Variants in HEMK2 observed in about 807,000 individuals in gnomAD.
The protein encoded by HEMK2 is HemK methyltransferase 2, ETF1 glutamine and histone H4 lysine.
At chr21:28,725,484 A>C in the HEMK2 span, among the ~76,000 whole-genome samples, 11 of 152,184 alleles carry the variant, frequency 7.2e-5, no homozygotes, top group Non-Finnish European at 1.0e-4. Context: ...ACTGGGAGGA[A>C]ACACATGGAG....
At chr21:28,808,355 C>G in the HEMK2 span, among the ~76,000 whole-genome samples, 2 of 150,370 alleles carry the variant, frequency 1.3e-5, no homozygotes, top group African/African-American at 4.9e-5. Context: ...TTGAAATGTT[C>G]TAGATCCCTT....
the HEMK2 span, among the ~76,000 whole-genome samples, chr21:28,677,266 G>A: frequency 9.2e-3 from 1,395 of 152,020 alleles, 20 homozygotes; most frequent in African/African-American, 0.031. Context: ...CGCCTGGCTC[G>A]GAGGGTCCTA....
the HEMK2 span, among the ~76,000 whole-genome samples, chr21:28,666,728 A>C: frequency 2.6e-5 from 4 of 152,172 alleles, no homozygotes; most frequent in Admixed American, 6.5e-5. Context: ...TTTTGGAATT[A>C]GATATCTCTT....
chr21:28,782,888 T>C, the HEMK2 span, among the ~76,000 whole-genome samples: 1 of 152,198 alleles, frequency 6.6e-6, no homozygotes, highest in African/African-American at 2.4e-5. Context: ...ATAAAACTAC[T>C]ATTACTTTTT....
the HEMK2 span, among the ~76,000 whole-genome samples, chr21:28,711,048 C>A: frequency 6.6e-6 from 1 of 152,126 alleles, no homozygotes; most frequent in Admixed American, 6.6e-5. Context: ...ACTTCTTCTA[C>A]ATCTACTATA....
At chr21:28,799,715 G>A in the HEMK2 span, among the ~76,000 whole-genome samples, 3 of 152,128 alleles carry the variant, frequency 2.0e-5, no homozygotes, top group Admixed American at 2.0e-4. Context: ...GGTTTGGAAA[G>A]CCCTATGAGA....
At chr21:28,819,603 G>C in the HEMK2 span, among the ~76,000 whole-genome samples, 17 of 140,818 alleles carry the variant, frequency 1.2e-4, no homozygotes, top group African/African-American at 4.1e-4. Flanking sequence ...GGAGTGTGCA[G>C]TGGCGCGATC....
At chr21:28,649,746 C>T in the HEMK2 span, among the ~76,000 whole-genome samples, 1 of 151,928 alleles carries the variant, frequency 6.6e-6, no homozygotes, top group South Asian at 2.1e-4. Context: ...AGGAAATATA[C>T]CAGAGGCCAA....
At chr21:28,831,188 T>TA in the HEMK2 span, among the ~76,000 whole-genome samples, 2 of 151,946 alleles carry the variant, frequency 1.3e-5, no homozygotes, top group African/African-American at 4.8e-5. Flanking sequence ...CTCATGCTTA[T>TA]AATCCCAGCA....
the HEMK2 span, among the ~76,000 whole-genome samples, chr21:28,877,301 A>AAGGAAGGAAGGAAGGAGGGAAGGAAGG: frequency 1.8e-5 from 1 of 55,082 alleles, no homozygotes; most frequent in Admixed American, 1.7e-4. Context: ...AGGAAGGAAG[A>AAGGAAGGAAGGAAGGAGGGAAGGAAGG]GAGAGAGAAA....
chr21:28,762,854 C>T, the HEMK2 span, among the ~76,000 whole-genome samples: 1 of 152,106 alleles, frequency 6.6e-6, no homozygotes, highest in Non-Finnish European at 1.5e-5. Flanking sequence ...TAAATTACTC[C>T]ATCCGTCATA....
At chr21:28,610,254 C>T in the HEMK2 span, among the ~76,000 whole-genome samples, 2 of 152,128 alleles carry the variant, frequency 1.3e-5, no homozygotes, top group Non-Finnish European at 2.9e-5. Flanking sequence ...CTATTTTTAG[C>T]TTCCTTAAAC....
chr21:28,843,615 C>A, the HEMK2 span, among the ~76,000 whole-genome samples: 2 of 152,232 alleles, frequency 1.3e-5, no homozygotes, highest in South Asian at 2.1e-4. Context: ...CCAGAAAATT[C>A]TTTAGTCTTT....
the HEMK2 span, among the ~76,000 whole-genome samples, chr21:28,868,611 G>C: frequency 2.7e-3 from 406 of 152,256 alleles, no homozygotes; most frequent in African/African-American, 7.1e-3. Flanking sequence ...CTAAGCTTGT[G>C]GGGTGGAGGT....
chr21:28,708,629 A>G, the HEMK2 span, among the ~76,000 whole-genome samples: 1 of 152,362 alleles, frequency 6.6e-6, no homozygotes, highest in Non-Finnish European at 1.5e-5. Context: ...GGTTTGAAAG[A>G]TATTTGTCCT....
chr21:28,609,591 A>G, the HEMK2 span, among the ~76,000 whole-genome samples: 3 of 150,776 alleles, frequency 2.0e-5, no homozygotes, highest in Non-Finnish European at 4.4e-5. Flanking sequence ...AAACAACAGA[A>G]GGTTGACTAT....
chr21:28,722,198 C>G, the HEMK2 span, among the ~76,000 whole-genome samples: 1 of 150,482 alleles, frequency 6.6e-6, no homozygotes, highest in Non-Finnish European at 1.5e-5. Flanking sequence ...TAAAAATATA[C>G]CGATTTTACT....
chr21:28,668,340 T>C, the HEMK2 span, among the ~76,000 whole-genome samples: 3 of 152,184 alleles, frequency 2.0e-5, no homozygotes, highest in East Asian at 3.8e-4. Context: ...AATTTGTTTG[T>C]CACACATGGA....
At chr21:28,606,799 T>C in the HEMK2 span, among the ~76,000 whole-genome samples, 1 of 152,142 alleles carries the variant, frequency 6.6e-6, no homozygotes, top group South Asian at 2.1e-4. Flanking sequence ...CAGGCAAAGA[T>C]GAAAGAAGTA....
Sources: gnomAD v4.1 joint callset for allele counts (sites outside exome capture counted in the v4.1 genomes callset) on GRCh38, gnomAD v4.1.1 for gene constraint, MANE v1.5 for transcripts, NCBI Gene and HGNC (gene_info 2026-07-23, HGNC 2026-07-21) for gene names.